The following UGT3A2 variants were observed in gnomAD, a reference collection of about 807,000 sequenced individuals.
UGT3A2 encodes the protein UDP glycosyltransferase family 3 member A2.
UGT3A2 carries 32 observed loss-of-function variants against 39.8 expected under a neutral mutation model. That is an observed-to-expected ratio of 0.80 (90% CI 0.61 to 1.08). The LOEUF is 1.08. Among genes scored for constraint, UGT3A2 ranks in the 50% least tolerant of loss-of-function variants. The pLI is 0.00. For missense variants in UGT3A2, 611 were observed against 637.1 expected (o/e 0.96, Z 0.44); for synonymous variants, 241 against 230.7 (o/e 1.04, Z -0.40).
intron 2 of UGT3A2, among the ~76,000 whole-genome samples, chr5:36,056,019 G>C (rs75252649): frequency 2.0e-5 from 3 of 152,072 alleles, no homozygotes; most frequent in Non-Finnish European, 4.4e-5. Flanking sequence ...TTACAGGCAT[G>C]AGCCACCGCG....
intron 2 of UGT3A2, among the ~76,000 whole-genome samples, chr5:36,060,857 C>T (rs762104792): frequency 3.9e-5 from 6 of 152,094 alleles, no homozygotes; most frequent in South Asian, 2.1e-4. Context: ...AGCCTCTAAA[C>T]GGTACATTGG....
At position 36,035,723 on chromosome 5, in the gene UGT3A2, C is replaced by T. The variant is rs763384831; in HGVS notation, c.1547G>A (p.Gly516Glu). The change falls in exon 7 of 7, where the codon GGG becomes GAG. Residue 516 changes from glycine (G) to glutamate (E), a missense_variant. Transcript: ENST00000282507. ...LLGMAVWWLR[G>E]ARKVKET is the part of the protein sequence containing the mutation. Reference sequence around the variant, plus strand: ...TTATGTCTCCTTCACCTTTCTGGCCCCACGCAGCCACCAGACAGCCATGCC... The same window carrying T: ...TTATGTCTCCTTCACCTTTCTGGCCTCACGCAGCCACCAGACAGCCATGCC... 3 of 1,614,132 alleles carry T rather than the reference C, an allele frequency of 1.9e-6. No homozygotes were observed. Among genetic ancestry groups the T allele is most frequent in the Non-Finnish European group, 2.5e-6 (3 of 1,180,018 alleles).
intron 3 of UGT3A2, among the ~76,000 whole-genome samples, chr5:36,050,862 CAAA>C: frequency 7.2e-6 from 1 of 138,822 alleles, no homozygotes; most frequent in African/African-American, 2.7e-5. Flanking sequence ...AACTCCGTCT[CAAA>C]AAAAAAAAAG....
chr5:36,064,564 G>A (rs6896114), intron 1 of UGT3A2, among the ~76,000 whole-genome samples: 7,482 of 152,248 alleles, frequency 0.049, 664 homozygotes, highest in African/African-American at 0.17. Flanking sequence ...GCTCTGGTCC[G>A]TGAGAGATTG....
chr5:36,063,892 T>C (rs891646483), intron 2 of UGT3A2, among the ~76,000 whole-genome samples: 7 of 152,192 alleles, frequency 4.6e-5, no homozygotes, highest in African/African-American at 1.7e-4. Flanking sequence ...TGTCTCAGCC[T>C]CCTAAAGTGC....
chr5:36,045,732 T>C (rs1260263029), intron 4 of UGT3A2, among the ~76,000 whole-genome samples: 1 of 152,166 alleles, frequency 6.6e-6, no homozygotes, highest in Non-Finnish European at 1.5e-5. Context: ...CAGATTTCTT[T>C]TTCTTGTGTA....
chr5:36,048,465 A>G (rs1742235666), intron 4 of UGT3A2, among the ~76,000 whole-genome samples: 1 of 152,142 alleles, frequency 6.6e-6, no homozygotes. Context: ...AAACAGATCC[A>G]CCCTGCTTAC....
At chr5:36,036,500 A>C (rs1580993561) in intron 6 of UGT3A2, among the ~76,000 whole-genome samples, 1 of 152,182 alleles carries the variant, frequency 6.6e-6, no homozygotes, top group Admixed American at 6.5e-5. Flanking sequence ...GAGGCTCCAC[A>C]CTTTTATTTT....
At position 36,049,403 on chromosome 5, in the gene UGT3A2, A is replaced by C. The variant is rs1263639511; in HGVS notation, c.329T>G (p.Leu110Ter). 6.4e-7 allele frequency: 1 copy of C among 1,558,304 alleles called. No individual in the cohort carries two copies. Among genetic ancestry groups the C allele is most frequent in the Admixed American group, 2.1e-5 (1 of 46,760 alleles). The change falls in exon 4 of 7, where the codon TTA becomes TGA. Residue 110 changes from leucine (L) to a stop codon, truncating the protein, a stop_gained. Transcript: ENST00000282507. LOFTEE classifies it high-confidence loss of function. ...CGCCAAGTATTCTAGAACATTTAAT[A>C]AGTTTTCAAATTTTCCTCTGTAAGA... ...TLGGRGKFEN[L>*]LNVLEYLALQ...
intron 2 of UGT3A2, among the ~76,000 whole-genome samples, chr5:36,053,871 T>A (rs1166888649): frequency 1.3e-5 from 2 of 152,150 alleles, no homozygotes; most frequent in African/African-American, 4.8e-5. Flanking sequence ...GGCAATCACA[T>A]CACTCTGATT....
chr5:36,035,772 G>T lies in UGT3A2; in HGVS notation c.1498C>A (p.Leu500Ile), dbSNP rs900483448. 2 of 1,614,124 alleles carry T rather than the reference G, an allele frequency of 1.2e-6. No individual in the cohort carries two copies. Among genetic ancestry groups the T allele is most frequent in the South Asian group, 2.2e-5 (2 of 91,064 alleles). ...VFLLGLTLGTLWLCGKLLGMA... is the reference protein window; with the variant it reads ...VFLLGLTLGTIWLCGKLLGMA... ...CCCAGCAGCTTCCCACAAAGCCATA[G>T]AGTCCCCAGAGTGAGCCCCAGCAGA... Residue 500 changes from leucine to isoleucine, a missense_variant, in exon 7 of 7, where the codon CTA becomes ATA. Coordinates refer to ENST00000282507, the MANE Select transcript of UGT3A2 (RefSeq NM_174914.4).
In UGT3A2 at chr5:36,039,697, G is replaced by A. The variant is rs746138018; in HGVS notation, c.855C>T (p.Asn285=). The A allele has an allele frequency of 6.8e-6, 11 of 1,614,014 alleles. No individual in the cohort carries two copies. The African/African-American group carries it at 1.3e-4, about 20-fold the overall frequency. The part of the protein sequence containing the change: ...PIKPVPQDLE[N]FIAKFGDSGF... ...CAGAGTCCCCAAACTTGGCAATGAA[G>A]TTCTCCAAGTCCTGGAGAAAGATTA... The change falls in exon 5 of 7, where the codon AAC becomes AAT. Residue 285 remains asparagine, a synonymous_variant. Transcript: ENST00000282507.
chr5:36,063,488 A>G (rs960478627), intron 2 of UGT3A2, among the ~76,000 whole-genome samples: 2 of 152,140 alleles, frequency 1.3e-5, no homozygotes, highest in Non-Finnish European at 2.9e-5. Flanking sequence ...TCAGCCATAG[A>G]CTCCTAACTT....
intron 4 of UGT3A2, among the ~76,000 whole-genome samples, chr5:36,046,151 A>G (rs567603581): frequency 6.6e-6 from 1 of 152,334 alleles, no homozygotes; most frequent in South Asian, 2.1e-4. Flanking sequence ...AAACTCGCAC[A>G]TTGTTTGTGG....
At chr5:36,052,172 G>A (rs772296119) in intron 2 of UGT3A2, among the ~76,000 whole-genome samples, 188 bp from the exon 3 acceptor site, 1 of 152,192 alleles carries the variant, frequency 6.6e-6, no homozygotes, top group African/African-American at 2.4e-5. Context: ...AGGCTGGAGT[G>A]CAATAGCACA....
chr5:36,064,395 G>C, intron 1 of UGT3A2, 45 bp from the exon 2 acceptor site: 1 of 1,514,452 alleles, frequency 6.6e-7, no homozygotes, highest in Non-Finnish European at 9.2e-7. Flanking sequence ...TGAGAATACA[G>C]TGTCTGAAGT....
intron 3 of UGT3A2, among the ~76,000 whole-genome samples, chr5:36,051,604 G>A (rs576721821): frequency 6.0e-4 from 92 of 152,282 alleles, no homozygotes; most frequent in Non-Finnish European, 1.1e-3. Flanking sequence ...CTGCAGAAAA[G>A]CACTCATGCT....
intron 2 of UGT3A2, among the ~76,000 whole-genome samples, chr5:36,055,369 A>AT (rs1742478444): frequency 6.6e-6 from 1 of 151,900 alleles, no homozygotes; most frequent in Admixed American, 6.6e-5. Context: ...AGTAGCTGGG[A>AT]TTACAGGCAC....
At chr5:36,065,710 C>G (rs1479378833) in intron 1 of UGT3A2, among the ~76,000 whole-genome samples, 1 of 152,128 alleles carries the variant, frequency 6.6e-6, no homozygotes, top group Non-Finnish European at 1.5e-5. Context: ...TAAGAAAACC[C>G]TGAGTTAATT....
Sources: allele counts gnomAD v4.1 joint callset (sites outside exome capture counted in the v4.1 genomes callset), GRCh38; gene constraint gnomAD v4.1.1; transcripts MANE v1.5; gene names NCBI Gene and HGNC (gene_info 2026-07-23, HGNC 2026-07-21).